The following PARD3 variants were observed in gnomAD, a reference collection of about 807,000 sequenced individuals.
PARD3 encodes partitioning defective 3 homolog.
A neutral mutation model predicts 155.4 loss-of-function variants in PARD3; 75 were observed. That is an observed-to-expected ratio of 0.48 (90% CI 0.40 to 0.58). The LOEUF is 0.58. Ranked by LOEUF, PARD3 falls within the 20% of genes least tolerant of loss-of-function variation. PARD3 has a pLI of 0.00. For synonymous variants in PARD3, 576 were observed against 610.5 expected, an observed-to-expected ratio of 0.94 and a Z score of 0.83; for missense variants, 1,642 against 1,721.7, an observed-to-expected ratio of 0.95 and a Z score of 0.82.
intron 1 of PARD3, among the ~76,000 whole-genome samples, chr10:34,793,746 A>G (rs978560123): frequency 6.6e-6 from 1 of 151,424 alleles, no homozygotes; most frequent in African/African-American, 2.4e-5. Context: ...AGACTGCGCC[A>G]TTGCCTGGGC....
chr10:34,422,495 T>C (rs1286233910), intron 5 of PARD3, among the ~76,000 whole-genome samples: 2 of 151,736 alleles, frequency 1.3e-5, no homozygotes, highest in Admixed American at 6.6e-5. Context: ...AAACACAATG[T>C]ATGGAATAGA....
At chr10:34,454,955 T>C (rs977483588) in intron 4 of PARD3, among the ~76,000 whole-genome samples, 8 of 152,098 alleles carry the variant, frequency 5.3e-5, no homozygotes, top group Admixed American at 2.6e-4. Flanking sequence ...TTATTACAAT[T>C]CAGGAAAACT....
chr10:34,636,806 G>A (rs1786784874), intron 2 of PARD3, among the ~76,000 whole-genome samples: 1 of 152,208 alleles, frequency 6.6e-6, no homozygotes, highest in Non-Finnish European at 1.5e-5. Flanking sequence ...GCAGGAGGGT[G>A]CACAGCTGCA....
chr10:34,726,456 C>G (rs1381454886), intron 1 of PARD3, among the ~76,000 whole-genome samples: 3 of 152,158 alleles, frequency 2.0e-5, no homozygotes, highest in Non-Finnish European at 4.4e-5. Flanking sequence ...CGTGGTGGCA[C>G]ACACCCATAA....
At chr10:34,698,221 G>A (rs2094209597) in intron 1 of PARD3, among the ~76,000 whole-genome samples, 1 of 152,130 alleles carries the variant, frequency 6.6e-6, no homozygotes, top group Non-Finnish European at 1.5e-5. Flanking sequence ...CTCCAGATGA[G>A]ATCATTATCT....
intron 2 of PARD3, among the ~76,000 whole-genome samples, chr10:34,636,005 A>G (rs2092454346): frequency 6.6e-6 from 1 of 151,816 alleles, no homozygotes; most frequent in South Asian, 2.1e-4. Context: ...TTTCTTAAGT[A>G]ACTTTTCTTC....
At chr10:34,135,479 C>G (rs531916915) in intron 22 of PARD3, among the ~76,000 whole-genome samples, 2 of 152,182 alleles carry the variant, frequency 1.3e-5, no homozygotes, top group Non-Finnish European at 2.9e-5. Flanking sequence ...TTATATGGAA[C>G]GTCCATAATT....
intron 3 of PARD3, among the ~76,000 whole-genome samples, chr10:34,482,919 C>G (rs899357815): frequency 6.6e-6 from 1 of 151,668 alleles, no homozygotes. Context: ...GAGGCCAAGG[C>G]GGGCAGATCA....
chr10:34,380,181 C>T (rs996878510), intron 9 of PARD3, among the ~76,000 whole-genome samples: 10 of 152,108 alleles, frequency 6.6e-5, no homozygotes, highest in Non-Finnish European at 1.5e-4. Flanking sequence ...AATCAGCATT[C>T]TTCCCCACAT....
At chr10:34,593,831 A>C (rs2088956580) in intron 2 of PARD3, among the ~76,000 whole-genome samples, 1 of 152,180 alleles carries the variant, frequency 6.6e-6, no homozygotes, top group Admixed American at 6.5e-5. Flanking sequence ...AGTTCAACTT[A>C]TTTAGGAATT....
intron 20 of PARD3, among the ~76,000 whole-genome samples, chr10:34,302,539 T>G (rs1204819494): frequency 2.6e-5 from 4 of 152,202 alleles, no homozygotes; most frequent in Admixed American, 2.6e-4. Context: ...GTTTAGGTTC[T>G]TAGCCACTAC....
intron 1 of PARD3, among the ~76,000 whole-genome samples, chr10:34,777,266 C>G (rs373656539): frequency 6.6e-6 from 1 of 152,124 alleles, no homozygotes; most frequent in East Asian, 1.9e-4. Context: ...CTTCAAGCCC[C>G]TTCCCTCCAC....
chr10:34,679,354 G>C (rs969440827), intron 2 of PARD3, among the ~76,000 whole-genome samples: 4 of 152,106 alleles, frequency 2.6e-5, no homozygotes, highest in Admixed American at 6.5e-5. Flanking sequence ...ACAGGGTGTA[G>C]CAAAACACCC....
intron 8 of PARD3, 118 bp downstream of exon 8, chr10:34,384,011 A>T: frequency 1.0e-6 from 1 of 987,272 alleles, no homozygotes; most frequent in South Asian, 1.9e-5. Context: ...TAATGGCAGA[A>T]AATATTCCTC....
intron 7 of PARD3, among the ~76,000 whole-genome samples, chr10:34,393,934 T>C (rs1164571533): frequency 1.3e-5 from 2 of 150,256 alleles, no homozygotes; most frequent in Non-Finnish European, 3.0e-5. Flanking sequence ...ACCTCCTGGG[T>C]TCAAGCAATT....
At chr10:34,709,255 A>AT (rs2094414957) in intron 1 of PARD3, among the ~76,000 whole-genome samples, 1 of 152,146 alleles carries the variant, frequency 6.6e-6, no homozygotes, top group Non-Finnish European at 1.5e-5. Flanking sequence ...ATTTTAAATA[A>AT]TTTTTTACAC....
chr10:34,464,393 A>G (rs1589671415), intron 4 of PARD3, among the ~76,000 whole-genome samples: 1 of 152,300 alleles, frequency 6.6e-6, no homozygotes, highest in Non-Finnish European at 1.5e-5. Context: ...AGGACTTCTC[A>G]GAGCATTTTA....
At chr10:34,319,707 TC>T in intron 19 of PARD3, among the ~76,000 whole-genome samples, 1 of 152,280 alleles carries the variant, frequency 6.6e-6, no homozygotes, top group Non-Finnish European at 1.5e-5. Context: ...AAATGAGAGC[TC>T]CCCCAAAGAA....
intron 22 of PARD3, among the ~76,000 whole-genome samples, chr10:34,230,562 T>A (rs1385071654): frequency 6.6e-6 from 1 of 152,118 alleles, no homozygotes; most frequent in Non-Finnish European, 1.5e-5. Flanking sequence ...CTCCTCCAAA[T>A]TATTTTTCCT....
Sources: gnomAD v4.1 joint callset for allele counts (sites outside exome capture counted in the v4.1 genomes callset) on GRCh38, gnomAD v4.1.1 for gene constraint, MANE v1.5 for transcripts, NCBI Gene and HGNC (gene_info 2026-07-23, HGNC 2026-07-21) for gene names.